The following NKAIN2 variants were observed in gnomAD, a reference collection of about 807,000 sequenced individuals.
The protein encoded by NKAIN2 is sodium/potassium transporting ATPase interacting 2.
In NKAIN2, 14 loss-of-function variants were observed where a neutral mutation model predicts 32.6. The ratio of observed to expected loss-of-function variants is 0.43; its 90% CI spans 0.28 to 0.67. The LOEUF is 0.67. Ranked by LOEUF, NKAIN2 falls within the 30% of genes least tolerant of loss-of-function variation. The probability of loss-of-function intolerance (pLI) is 0.17; values close to 1 mark genes in which losing one functional copy is unlikely to be tolerated. For synonymous variants in NKAIN2, 80 were observed against 87.2 expected (o/e 0.92, Z 0.46); for missense variants, 198 against 258.3 (o/e 0.77, Z 1.60).
intron 1 of NKAIN2, among the ~76,000 whole-genome samples, chr6:123,808,387 T>C (rs529256313): frequency 6.7e-4 from 102 of 152,298 alleles, no homozygotes; most frequent in African/African-American, 2.2e-3. Context: ...TGTAAAAATA[T>C]GTTGAGTTTG....
At chr6:124,047,857 G>T (rs1172245590) in intron 1 of NKAIN2, among the ~76,000 whole-genome samples, 3 of 151,918 alleles carry the variant, frequency 2.0e-5, no homozygotes, top group Non-Finnish European at 4.4e-5. Context: ...GCAGTGGCTT[G>T]CCTAGGAAGG....
At position 124,545,060 on chromosome 6, in the gene NKAIN2, G is replaced by A. The variant is rs530241696; in HGVS notation, c.274-113126G>A. Among the ~76,000 whole-genome samples the A allele has an allele frequency of 3.9e-4, 59 of 152,232 alleles. No homozygotes were observed. The South Asian group carries it at 6.4e-3, about 17-fold the overall frequency. The stretch of plus-strand genomic sequence containing the variant: ...AAAACTCTTTTCTTATTAGGAAACC[G>A]TAAGGCCTCACTTCATTTAAAGGGA... On this transcript the variant is annotated intron_variant, in intron 3 of 6. Coordinates refer to ENST00000368417, the MANE Select transcript of NKAIN2 (RefSeq NM_001040214.3).
intron 1 of NKAIN2, among the ~76,000 whole-genome samples, chr6:124,059,838 G>T (rs1306678570): frequency 2.0e-5 from 3 of 151,954 alleles, no homozygotes; most frequent in African/African-American, 7.2e-5. Context: ...TTCACATTTT[G>T]CTCCTATTAT....
chr6:124,195,041 A>T lies in NKAIN2; in HGVS notation c.55-87964A>T, dbSNP rs531317193. Among the ~76,000 whole-genome samples the T allele has an allele frequency of 2.0e-3, 304 of 150,632 alleles. 2 individuals are homozygous for T. The highest frequency in any genetic ancestry group is 7.2e-3 in the African/African-American group (295 of 41,158). On this transcript the variant is annotated intron_variant, in intron 1 of 6. Coordinates refer to ENST00000368417, the MANE Select transcript of NKAIN2 (RefSeq NM_001040214.3). ...TAAAGTATAAAGAATATAAAATGCA[A>T]TTTTTTTATTTTTTGTGTTCTATTC... is the stretch of plus-strand genomic sequence containing the variant.
At chr6:124,161,088 T>C (rs1242385967) in intron 1 of NKAIN2, among the ~76,000 whole-genome samples, 2 of 152,268 alleles carry the variant, frequency 1.3e-5, no homozygotes, top group East Asian at 3.9e-4. Flanking sequence ...TTGCTATAAA[T>C]AAATACTTGA....
At chr6:124,414,304 G>A (rs1438834909) in intron 3 of NKAIN2, among the ~76,000 whole-genome samples, 1 of 152,006 alleles carries the variant, frequency 6.6e-6, no homozygotes, top group Non-Finnish European at 1.5e-5. Context: ...ATTTTAGTTT[G>A]ATAATATCAT....
chr6:124,354,360 A>T (rs1798872378), intron 2 of NKAIN2, among the ~76,000 whole-genome samples: 1 of 152,046 alleles, frequency 6.6e-6, no homozygotes, highest in Admixed American at 6.5e-5. Flanking sequence ...TGGATGCTTC[A>T]TACATTTTAA....
intron 1 of NKAIN2, among the ~76,000 whole-genome samples, chr6:124,237,808 C>A (rs753835369): frequency 1.8e-4 from 28 of 151,920 alleles, no homozygotes; most frequent in Non-Finnish European, 3.5e-4. Context: ...TTAGATAACC[C>A]TGGTATTTTC....
Position 124,519,372 on chromosome 6 carries a change from T to G in NKAIN2, c.274-138814T>G, listed in dbSNP as rs1365846467. On this transcript the variant is annotated intron_variant, in intron 3 of 6. Transcript: ENST00000368417. ...CCATCAATGAGGATTGACCATGAAT[T>G]GACAGAAATTAATGGAATTTCACAC... 5.3e-5 allele frequency among the ~76,000 whole-genome samples: 8 copies of G among 152,200 alleles called. No individual in the cohort carries two copies. In the South Asian group the frequency reaches 1.7e-3, roughly 32 times the overall value.
At chr6:124,627,838 AG>A (rs1783413796) in intron 3 of NKAIN2, among the ~76,000 whole-genome samples, 1 of 152,168 alleles carries the variant, frequency 6.6e-6, no homozygotes, top group Admixed American at 6.5e-5. Context: ...TCCAGGGAGC[AG>A]GTATAAATAC....
intron 1 of NKAIN2, among the ~76,000 whole-genome samples, chr6:124,205,110 G>A (rs562715443): frequency 6.7e-6 from 1 of 150,320 alleles, no homozygotes; most frequent in African/African-American, 2.5e-5. Context: ...ATTACACACT[G>A]CATTTTGTTA....
chr6:124,201,906 C>A (rs1232501523), intron 1 of NKAIN2, among the ~76,000 whole-genome samples: 2 of 151,728 alleles, frequency 1.3e-5, no homozygotes, highest in Non-Finnish European at 2.9e-5. Context: ...TTCTATATAC[C>A]TATTTTCTTT....
chr6:124,188,304 T>C (rs1033921460), intron 1 of NKAIN2, among the ~76,000 whole-genome samples: 1 of 152,176 alleles, frequency 6.6e-6, no homozygotes, highest in African/African-American at 2.4e-5. Flanking sequence ...TTGAAAACTA[T>C]AGGGCAGGCT....
intron 3 of NKAIN2, among the ~76,000 whole-genome samples, chr6:124,484,311 A>G (rs1424680449): frequency 6.6e-6 from 1 of 152,158 alleles, no homozygotes; most frequent in African/African-American, 2.4e-5. Context: ...AACAACCTTG[A>G]ACTGAGATTA....
chr6:124,342,632 T>C (rs1267523329), intron 2 of NKAIN2, among the ~76,000 whole-genome samples: 1 of 151,616 alleles, frequency 6.6e-6, no homozygotes, highest in Non-Finnish European at 1.5e-5. Context: ...CTCAGCCTCC[T>C]GAGTAGCTGG....
At chr6:123,837,264 A>G (rs1774670100) in intron 1 of NKAIN2, among the ~76,000 whole-genome samples, 2 of 151,914 alleles carry the variant, frequency 1.3e-5, no homozygotes, top group Non-Finnish European at 2.9e-5. Context: ...GGAGAAAGTG[A>G]CTTTTAAGAT....
intron 1 of NKAIN2, among the ~76,000 whole-genome samples, chr6:123,938,836 G>T (rs1582812220): frequency 2.0e-5 from 3 of 151,448 alleles, no homozygotes; most frequent in Non-Finnish European, 4.4e-5. Flanking sequence ...AGGAACAGTG[G>T]ACATTGCTAT....
chr6:124,410,848 G>T (rs1453221630), intron 3 of NKAIN2, among the ~76,000 whole-genome samples: 1 of 151,330 alleles, frequency 6.6e-6, no homozygotes, highest in African/African-American at 2.4e-5. Flanking sequence ...GTAGTCACTC[G>T]GGGCTTGCTT....
chr6:124,346,357 G>C (rs1306661200), intron 2 of NKAIN2, among the ~76,000 whole-genome samples: 1 of 152,110 alleles, frequency 6.6e-6, no homozygotes, highest in African/African-American at 2.4e-5. Context: ...GGTCCGCTTG[G>C]TGCAGAGCTG....
Sources: allele counts gnomAD v4.1 joint callset (sites outside exome capture counted in the v4.1 genomes callset), GRCh38; gene constraint gnomAD v4.1.1; transcripts MANE v1.5; gene names NCBI Gene and HGNC (gene_info 2026-07-23, HGNC 2026-07-21).